ZFHX3: variants seen among roughly 807,000 people sequenced by gnomAD.
The protein encoded by ZFHX3 is zinc finger homeobox 3.
In ZFHX3, 42 loss-of-function variants were observed where a neutral mutation model predicts 279.1. The observed-to-expected ratio is 0.15, with a 90% CI of 0.12 to 0.19. ZFHX3 has a LOEUF of 0.19. Among genes scored for constraint, ZFHX3 ranks in the 10% least tolerant of loss-of-function variants. The pLI, the probability that ZFHX3 is intolerant of heterozygous loss-of-function variation, is 1.00. For synonymous variants in ZFHX3, 2,293 were observed against 1,957.8 expected, an observed-to-expected ratio of 1.17 and a Z score of -4.52; for missense variants, 4,981 against 4,754.0, an observed-to-expected ratio of 1.05 and a Z score of -1.40.
At chr16:73,891,461 C>G (rs574892822) in intron 1 of ZFHX3, among the ~76,000 whole-genome samples, 1 of 151,914 alleles carries the variant, frequency 6.6e-6, no homozygotes, top group Non-Finnish European at 1.5e-5. Context: ...CTACCCTCCC[C>G]GATCCATAAA....
intron 1 of ZFHX3, among the ~76,000 whole-genome samples, chr16:73,788,283 A>C (rs1210500406): frequency 2.0e-5 from 3 of 152,204 alleles, no homozygotes; most frequent in Non-Finnish European, 4.4e-5. Context: ...ACCAAAGTAG[A>C]AACTAAATGG....
At chr16:73,316,982 A>C (rs1245765447) in intron 4 of ZFHX3, among the ~76,000 whole-genome samples, 1 of 152,168 alleles carries the variant, frequency 6.6e-6, no homozygotes, top group East Asian at 1.9e-4. Context: ...ATCTGTGAGA[A>C]ACTTTGATAC....
chr16:72,904,778 G>C lies in ZFHX3; in HGVS notation c.3217-14816C>G, dbSNP rs531873877. Among the ~76,000 whole-genome samples the C allele has an allele frequency of 1.8e-3, 275 of 152,144 alleles. 2 individuals carry two copies. The highest frequency in any genetic ancestry group is 3.4e-3 in the Middle Eastern group (1 of 294). On this transcript the variant is annotated intron_variant, in intron 3 of 9. Transcript: ENST00000268489. ...TAAAACAGTGGCTCCTTGCCTGTGGGGGGGGTCCCACAGCACCAGGTGGTC... is the reference window on the plus strand; with the variant it reads ...TAAAACAGTGGCTCCTTGCCTGTGGCGGGGGTCCCACAGCACCAGGTGGTC...
chr16:73,378,480 A>T (rs1275483887), intron 3 of ZFHX3, among the ~76,000 whole-genome samples: 1 of 152,210 alleles, frequency 6.6e-6, no homozygotes, highest in Non-Finnish European at 1.5e-5. Flanking sequence ...ATCTCTAAGT[A>T]ACTCTTGTGT....
At chr16:73,320,396 C>T (rs565636866) in intron 3 of ZFHX3, among the ~76,000 whole-genome samples, 1 of 152,172 alleles carries the variant, frequency 6.6e-6, no homozygotes, top group Non-Finnish European at 1.5e-5. Context: ...ACTCTAATAA[C>T]CGCGAGGGTG....
intron 1 of ZFHX3, among the ~76,000 whole-genome samples, chr16:73,706,484 C>A (rs1467362134): frequency 1.3e-5 from 2 of 149,714 alleles, no homozygotes; most frequent in Non-Finnish European, 3.0e-5. Context: ...AGAGAAAAAT[C>A]ATTTCTGATC....
upstream of ZFHX3, among the ~76,000 whole-genome samples, chr16:73,049,290 A>G (rs1340783724): frequency 6.6e-6 from 1 of 152,028 alleles, no homozygotes; most frequent in South Asian, 2.1e-4. Flanking sequence ...AAAACCACCC[A>G]CCCAGGCTGG....
intron 2 of ZFHX3, among the ~76,000 whole-genome samples, chr16:73,523,044 G>A (rs2019632595): frequency 6.6e-6 from 1 of 152,114 alleles, no homozygotes; most frequent in African/African-American, 2.4e-5. Flanking sequence ...GCAATTATGG[G>A]AACTACAATT....
chr16:73,537,945 T>A (rs889180957), intron 2 of ZFHX3, among the ~76,000 whole-genome samples: 3 of 152,198 alleles, frequency 2.0e-5, no homozygotes, highest in Non-Finnish European at 1.5e-5. Context: ...TAAAAGTAAC[T>A]CTTACCCTTG....
At chr16:72,979,735 A>C (rs887458064) in intron 1 of ZFHX3, among the ~76,000 whole-genome samples, 1 of 152,190 alleles carries the variant, frequency 6.6e-6, no homozygotes, top group African/African-American at 2.4e-5. Context: ...ATCATAGCAT[A>C]AATTGAGGCC....
At chr16:73,256,515 C>T (rs2013666013) in intron 5 of ZFHX3, among the ~76,000 whole-genome samples, 1 of 152,182 alleles carries the variant, frequency 6.6e-6, no homozygotes, top group Admixed American at 6.5e-5. Flanking sequence ...GTTCTACAAC[C>T]TCAGAGATTC....
chr16:73,869,682 A>G (rs1962114118), intron 1 of ZFHX3, among the ~76,000 whole-genome samples: 2 of 152,250 alleles, frequency 1.3e-5, no homozygotes, highest in African/African-American at 4.8e-5. Flanking sequence ...GTTTCTATCT[A>G]TAAGTTCTGG....
At chr16:73,013,501 T>A (rs1201747679) in intron 1 of ZFHX3, among the ~76,000 whole-genome samples, 1 of 152,182 alleles carries the variant, frequency 6.6e-6, no homozygotes, top group Non-Finnish European at 1.5e-5. Context: ...TTGCCCAGGC[T>A]GGTCTCAAAC....
chr16:73,155,956 G>A (rs929071519), intron 5 of ZFHX3, among the ~76,000 whole-genome samples: 2 of 151,962 alleles, frequency 1.3e-5, no homozygotes, highest in African/African-American at 4.8e-5. Flanking sequence ...AAAGTGGTCG[G>A]GTGTGGTAGC....
intron 7 of ZFHX3, among the ~76,000 whole-genome samples, chr16:73,112,885 C>T (rs1003661201): frequency 3.3e-5 from 5 of 152,084 alleles, no homozygotes; most frequent in South Asian, 2.1e-4. Context: ...ACCAGGTGAG[C>T]GGCTGCACAG....
chr16:73,074,704 G>T (rs2144759306), intron 8 of ZFHX3, among the ~76,000 whole-genome samples: 1 of 151,174 alleles, frequency 6.6e-6, no homozygotes. Flanking sequence ...AAGGAGGGAA[G>T]GGAGGGAGGG....
rs36024411 is a variant in ZFHX3 at position 73,572,168 on chromosome 16, TAAAA to T, written c.-1547+108008_-1547+108011del. Among the ~76,000 whole-genome samples the T allele has an allele frequency of 1.4e-4, 19 of 140,292 alleles. No individual in the cohort carries two copies. The South Asian group carries it at 2.1e-3, about 15-fold the overall frequency. The allele number at this position is 140,292 out of a possible 152,430, so 92.0% of individuals were successfully genotyped here. On this transcript the variant is annotated intron_variant, in intron 2 of 17. Transcript: ENST00000641206. ...AATGGATTTTGAATCTAAATATTCT[TAAAA>T]AAAAAAAAAAAAAACTTTTTCTGAA...
Position 72,959,072 on chromosome 16 carries a change from T to C in ZFHX3, c.1074A>G (p.Ile358Met). ...QHPLVSTANLIGPGHSFYGKF... is the reference protein window; with the variant it reads ...QHPLVSTANLMGPGHSFYGKF... ...TACCATAAAAACTGTGTCCGGGGCC[T>C]ATGAGGTTAGCTGTGGAAACTAAAG... Residue 358 changes from isoleucine to methionine, a missense_variant, in exon 2 of 10, where the codon ATA becomes ATG. Physicochemically the swap from Ile to Met is conservative, Grantham distance 10 (BLOSUM62 1). Transcript: ENST00000268489. The C allele has an allele frequency of 6.2e-7, 1 of 1,614,244 alleles. No homozygotes were observed. The highest frequency in any genetic ancestry group is 8.5e-7 in the Non-Finnish European group (1 of 1,180,042).
At chr16:73,096,399 G>A (rs986595268) in intron 7 of ZFHX3, among the ~76,000 whole-genome samples, 14 of 150,356 alleles carry the variant, frequency 9.3e-5, no homozygotes, top group African/African-American at 2.2e-4. Context: ...AGCTGAAGCC[G>A]AACTTCTTTA....
Sources: allele counts gnomAD v4.1 joint callset (sites outside exome capture counted in the v4.1 genomes callset), GRCh38; gene constraint gnomAD v4.1.1; transcripts MANE v1.5; gene names NCBI Gene and HGNC (gene_info 2026-07-23, HGNC 2026-07-21).